The following GMDS variants were observed in gnomAD, a reference collection of about 807,000 sequenced individuals.
GMDS encodes the protein GDP-mannose 4,6 dehydratase.
In GMDS, 20 loss-of-function variants were observed where a neutral mutation model predicts 49.9. The observed-to-expected ratio is 0.40, with a 90% CI of 0.28 to 0.58. The LOEUF is 0.58. GMDS is among the 20% of genes least tolerant of loss of function. GMDS has a pLI of 0.42. For missense variants in GMDS, 362 were observed against 481.4 expected (o/e 0.75, Z 2.32); for synonymous variants, 177 against 178.6 (o/e 0.99, Z 0.07).
At chr6:1,883,307 C>G (rs1218998605) in intron 7 of GMDS, among the ~76,000 whole-genome samples, 1 of 152,064 alleles carries the variant, frequency 6.6e-6, no homozygotes, top group Non-Finnish European at 1.5e-5. Flanking sequence ...AGGAGAATTG[C>G]TTAACCCTAG....
chr6:1,706,399 C>T (rs1309654659), intron 9 of GMDS, among the ~76,000 whole-genome samples: 1 of 152,216 alleles, frequency 6.6e-6, no homozygotes, highest in Non-Finnish European at 1.5e-5. Flanking sequence ...AGTGTCCATG[C>T]TGTTCTGCCC....
intron 7 of GMDS, among the ~76,000 whole-genome samples, chr6:1,832,110 T>C (rs1756674589): frequency 6.6e-6 from 1 of 151,828 alleles, no homozygotes; most frequent in African/African-American, 2.4e-5. Flanking sequence ...ATCCTAGCAC[T>C]CTGGGAGGCC....
At chr6:1,720,475 A>G (rs1381431363) in intron 9 of GMDS, among the ~76,000 whole-genome samples, 1 of 152,230 alleles carries the variant, frequency 6.6e-6, no homozygotes, top group Non-Finnish European at 1.5e-5. Flanking sequence ...CTTAAAATAT[A>G]TAAACAGTGA....
chr6:2,016,869 G>C (rs576915872), intron 4 of GMDS, among the ~76,000 whole-genome samples: 1 of 152,090 alleles, frequency 6.6e-6, no homozygotes, highest in Non-Finnish European at 1.5e-5. Context: ...TTAATTGATT[G>C]AAAATTAAAA....
intron 7 of GMDS, among the ~76,000 whole-genome samples, chr6:1,896,968 G>T (rs1260634631): frequency 6.6e-6 from 1 of 152,192 alleles, no homozygotes; most frequent in Admixed American, 6.5e-5. Context: ...AGGACTCTAG[G>T]CTGATTTCCC....
At chr6:1,876,966 A>G (rs985063408) in intron 7 of GMDS, among the ~76,000 whole-genome samples, 2 of 152,210 alleles carry the variant, frequency 1.3e-5, no homozygotes, top group Non-Finnish European at 2.9e-5. Context: ...GACATCCTGT[A>G]TCTCCTTTGT....
At chr6:1,644,215 G>T (rs115168431) in intron 9 of GMDS, among the ~76,000 whole-genome samples, 25 of 152,272 alleles carry the variant, frequency 1.6e-4, no homozygotes, top group African/African-American at 6.0e-4. Flanking sequence ...GCCCTCCACC[G>T]CCAGGGGAGA....
chr6:2,227,190 AT>A (rs1234477821), intron 1 of GMDS, among the ~76,000 whole-genome samples: 3 of 152,180 alleles, frequency 2.0e-5, no homozygotes, highest in Non-Finnish European at 4.4e-5. Context: ...TGAAATATAT[AT>A]ATTTCCATAT....
At chr6:2,143,194 AC>A (rs1487509180) in intron 1 of GMDS, among the ~76,000 whole-genome samples, 1 of 152,242 alleles carries the variant, frequency 6.6e-6, no homozygotes, top group Non-Finnish European at 1.5e-5. Context: ...GCTCCAGCAG[AC>A]ACGCCAATGC....
intron 1 of GMDS, among the ~76,000 whole-genome samples, chr6:2,155,114 T>C (rs1777047433): frequency 6.6e-6 from 1 of 152,110 alleles, no homozygotes. Flanking sequence ...ACTTGATAAA[T>C]GTCGACCACT....
At chr6:1,681,149 TAC>T (rs150163904) in intron 9 of GMDS, among the ~76,000 whole-genome samples, 13 of 151,196 alleles carry the variant, frequency 8.6e-5, no homozygotes, top group African/African-American at 2.7e-4. Flanking sequence ...CACACCTATA[TAC>T]ACACACACAC....
intron 1 of GMDS, among the ~76,000 whole-genome samples, chr6:2,137,143 T>C (rs192174070): frequency 2.0e-5 from 3 of 152,296 alleles, no homozygotes; most frequent in Admixed American, 2.0e-4. Context: ...ATGGTATTTA[T>C]AATTAAAATC....
chr6:1,696,606 G>A (rs1419799116), intron 9 of GMDS, among the ~76,000 whole-genome samples: 1 of 152,212 alleles, frequency 6.6e-6, no homozygotes, highest in African/African-American at 2.4e-5. Context: ...CTCAAGACAA[G>A]CTAAGGCAGA....
chr6:1,659,003 A>G lies in GMDS; in HGVS notation c.988-34463T>C, dbSNP rs376503414. 2.4e-4 allele frequency among the ~76,000 whole-genome samples: 37 copies of G among 152,332 alleles called. No individual in the cohort carries two copies. The East Asian group carries it at 3.7e-3, about 15-fold the overall frequency. On this transcript the variant is annotated intron_variant, in intron 9 of 10. Coordinates refer to ENST00000380815, the MANE Select transcript of GMDS (RefSeq NM_001500.4). ...TTTAATAGGAAAAAAAACCCAAAAC[A>G]ACTTTCTGATGGCCTTCTGAGAGTG... is the stretch of plus-strand genomic sequence containing the variant.
At chr6:1,736,227 T>C (rs1581525433) in intron 8 of GMDS, among the ~76,000 whole-genome samples, 1 of 152,184 alleles carries the variant, frequency 6.6e-6, no homozygotes, top group Non-Finnish European at 1.5e-5. Flanking sequence ...AACATCACCT[T>C]ATGTTGTAGT....
At chr6:1,976,594 C>T (rs1012194814) in intron 4 of GMDS, among the ~76,000 whole-genome samples, 4 of 152,064 alleles carry the variant, frequency 2.6e-5, no homozygotes, top group African/African-American at 9.7e-5. Flanking sequence ...TCAATAATAA[C>T]AATGATGTAA....
rs1332788979 is a variant in GMDS at position 1,640,974 on chromosome 6, G to T, written c.988-16434C>A. On this transcript the variant is annotated intron_variant, in intron 9 of 10. Coordinates refer to ENST00000380815, the MANE Select transcript of GMDS (RefSeq NM_001500.4). This position sits in a 1 kb window ranked among gnomAD's most constrained non-coding sequence, Gnocchi z 4.0. The stretch of plus-strand genomic sequence containing the variant: ...CCTGAAGTCCAGAGTGACCCCATGG[G>T]GCTGGGGTCAGGGAAGCTGTTACAG... Among the ~76,000 whole-genome samples the T allele has an allele frequency of 2.0e-5, 3 of 152,182 alleles. No homozygotes were observed. The East Asian group carries it at 5.8e-4, about 29-fold the overall frequency.
intron 2 of GMDS, among the ~76,000 whole-genome samples, chr6:2,122,439 G>A (rs535796161): frequency 1.2e-4 from 18 of 152,222 alleles, no homozygotes; most frequent in African/African-American, 3.9e-4. Flanking sequence ...GAGTTCACAC[G>A]TAATAAAATA....
intron 1 of GMDS, among the ~76,000 whole-genome samples, chr6:2,125,410 G>A (rs1005780483): frequency 1.3e-5 from 2 of 152,062 alleles, no homozygotes; most frequent in African/African-American, 4.8e-5. Flanking sequence ...TTACAGGTGT[G>A]AGCCACCATG....
Sources: gnomAD v4.1 joint callset for allele counts (sites outside exome capture counted in the v4.1 genomes callset) on GRCh38, gnomAD v4.1.1 for gene constraint, Gnocchi (gnomAD v3.1) non-coding constraint, MANE v1.5 for transcripts, NCBI Gene and HGNC (gene_info 2026-07-23, HGNC 2026-07-21) for gene names.